The following VTA1 variants were observed in gnomAD, a reference collection of about 807,000 sequenced individuals.
VTA1 encodes vesicle trafficking 1, also known as vacuolar protein sorting-associated protein VTA1 homolog.
In VTA1, 24 loss-of-function variants were observed where a neutral mutation model predicts 36.9. The observed-to-expected ratio is 0.65, with a 90% CI of 0.47 to 0.91. The LOEUF is 0.91. Among genes scored for constraint, VTA1 ranks in the 40% least tolerant of loss-of-function variants. The pLI, the probability that VTA1 is intolerant of heterozygous loss-of-function variation, is 0.00. For synonymous variants in VTA1, 142 were observed against 130.2 expected, an observed-to-expected ratio of 1.09 and a Z score of -0.62; for missense variants, 393 against 377.2, an observed-to-expected ratio of 1.04 and a Z score of -0.35.
intron 4 of VTA1, among the ~76,000 whole-genome samples, chr6:142,175,385 A>G (rs1483952594): frequency 2.0e-5 from 3 of 151,494 alleles, no homozygotes; most frequent in Non-Finnish European, 4.4e-5. Context: ...CTGTCTTCTC[A>G]TTTTTCACCT....
At position 142,162,304 on chromosome 6, in the gene VTA1, T is replaced by C. The variant is rs1774826162; in HGVS notation, c.113-3924T>C. ...TCTCTACTGTCTAGGTTGTTCCCTATATTTCTTCCCAAAATTGATCTATCA... is the reference window on the plus strand; with the variant it reads ...TCTCTACTGTCTAGGTTGTTCCCTACATTTCTTCCCAAAATTGATCTATCA... On this transcript the variant is annotated intron_variant, in intron 1 of 7. Coordinates refer to ENST00000367630, the MANE Select transcript of VTA1 (RefSeq NM_016485.5). Among the ~76,000 whole-genome samples, 3 of 152,200 alleles carry C rather than the reference T, an allele frequency of 2.0e-5. No individual in the cohort carries two copies. The South Asian group carries it at 6.2e-4, about 32-fold the overall frequency.
At chr6:142,149,557 T>C (rs1304795397) in intron 1 of VTA1, among the ~76,000 whole-genome samples, 1 of 152,192 alleles carries the variant, frequency 6.6e-6, no homozygotes, top group Non-Finnish European at 1.5e-5. Flanking sequence ...TACTTGTTTA[T>C]TGCTTTTGCC....
At chr6:142,162,322 A>G (rs1407633140) in intron 1 of VTA1, among the ~76,000 whole-genome samples, 1 of 152,168 alleles carries the variant, frequency 6.6e-6, no homozygotes, top group Non-Finnish European at 1.5e-5. Flanking sequence ...CCCAAAATTG[A>G]TCTATCAAGT....
chr6:142,165,644 A>G (rs1458605464), intron 1 of VTA1, among the ~76,000 whole-genome samples: 2 of 152,214 alleles, frequency 1.3e-5, no homozygotes, highest in African/African-American at 4.8e-5. Flanking sequence ...AGCAGTTACC[A>G]CTAGAACTGT....
At chr6:142,197,727 T>C (rs1293789829) in intron 5 of VTA1, among the ~76,000 whole-genome samples, 3 of 152,052 alleles carry the variant, frequency 2.0e-5, no homozygotes, top group Non-Finnish European at 4.4e-5. Context: ...AAATGTGGCA[T>C]GTTTTGCCAG....
At chr6:142,174,497 T>C (rs891810580) in intron 4 of VTA1, among the ~76,000 whole-genome samples, 5 of 152,190 alleles carry the variant, frequency 3.3e-5, no homozygotes, top group African/African-American at 1.2e-4. Context: ...GGAAGGAATG[T>C]GCCTTGATTC....
At chr6:142,214,093 G>A (rs1260149151) in intron 7 of VTA1, among the ~76,000 whole-genome samples, 2 of 151,808 alleles carry the variant, frequency 1.3e-5, no homozygotes, top group African/African-American at 4.8e-5. Flanking sequence ...TAATCTCTTT[G>A]TTCATGCATA....
At chr6:142,199,813 A>G (rs1469965079) in intron 6 of VTA1, among the ~76,000 whole-genome samples, 1 of 152,088 alleles carries the variant, frequency 6.6e-6, no homozygotes, top group Non-Finnish European at 1.5e-5. Context: ...TCAATATTTT[A>G]TGGCCTATGT....
intron 2 of VTA1, among the ~76,000 whole-genome samples, chr6:142,166,908 G>A (rs1385214986): frequency 6.6e-6 from 1 of 152,148 alleles, no homozygotes; most frequent in Non-Finnish European, 1.5e-5. Flanking sequence ...TTACAGGCAT[G>A]AGCCACCATG....
chr6:142,198,787 G>T, intron 6 of VTA1, 172 bp downstream of exon 6: 1 of 552,034 alleles, frequency 1.8e-6, no homozygotes, highest in Non-Finnish European at 3.0e-6. Flanking sequence ...TTTAATATTA[G>T]TTGTATTCTA....
chr6:142,159,310 G>A (rs1465554415), intron 1 of VTA1, among the ~76,000 whole-genome samples: 2 of 151,984 alleles, frequency 1.3e-5, no homozygotes, highest in East Asian at 3.9e-4. Context: ...GTTGCAGTGA[G>A]CTGAGATTGT....
chr6:142,176,509 G>A (rs966624501), intron 4 of VTA1, among the ~76,000 whole-genome samples: 1 of 151,600 alleles, frequency 6.6e-6, no homozygotes, highest in Non-Finnish European at 1.5e-5. Context: ...ATTATAGTGA[G>A]AAAACTGAGG....
intron 7 of VTA1, among the ~76,000 whole-genome samples, chr6:142,211,021 A>T (rs890208635): frequency 4.6e-5 from 7 of 152,214 alleles, no homozygotes; most frequent in African/African-American, 1.7e-4. Flanking sequence ...TTGCAGCAAC[A>T]TGGATAGAAC....
intron 5 of VTA1, among the ~76,000 whole-genome samples, chr6:142,193,623 CATT>C (rs957291016): frequency 1.8e-4 from 27 of 151,986 alleles, no homozygotes; most frequent in African/African-American, 6.3e-4. Flanking sequence ...ATTCATTACT[CATT>C]ATTCTTTATT....
chr6:142,185,704 G>A (rs997852077), intron 4 of VTA1, among the ~76,000 whole-genome samples: 2 of 152,198 alleles, frequency 1.3e-5, no homozygotes, highest in East Asian at 3.8e-4. Flanking sequence ...TGCTGTTTCT[G>A]TAGGCCTAAA....
At position 142,220,811 on chromosome 6, in the gene VTA1, A is replaced by G. The variant is rs1776096230; in HGVS notation, c.*2168A>G. On this transcript the variant is annotated 3_prime_UTR_variant, in exon 8 of 8. Transcript: ENST00000367630. Reference sequence around the variant, plus strand: ...TTAGCAATTTTCATTTATTCCTTCCATATATATTTACTGAATGGCTACTAT... The same window carrying G: ...TTAGCAATTTTCATTTATTCCTTCCGTATATATTTACTGAATGGCTACTAT... The G allele has an allele frequency of 2.0e-5, 3 of 151,960 alleles. No homozygotes were observed. Among genetic ancestry groups the G allele is most frequent in the Admixed American group, 6.6e-5 (1 of 15,230 alleles). 9.4% of individuals were successfully genotyped at this position (151,960 alleles called of 1,614,324 possible).
chr6:142,212,423 T>C (rs1331672504), intron 7 of VTA1, among the ~76,000 whole-genome samples: 1 of 152,120 alleles, frequency 6.6e-6, no homozygotes, highest in Non-Finnish European at 1.5e-5. Context: ...GTTTAAAAGC[T>C]ATATACTGTA....
At chr6:142,182,985 C>G (rs542865128) in intron 4 of VTA1, among the ~76,000 whole-genome samples, 2 of 151,704 alleles carry the variant, frequency 1.3e-5, no homozygotes, top group South Asian at 4.2e-4. Context: ...ACTGAAGGAG[C>G]GCGCAGCAAG....
intron 1 of VTA1, among the ~76,000 whole-genome samples, chr6:142,152,952 A>G (rs1447347294): frequency 1.3e-5 from 2 of 152,110 alleles, no homozygotes; most frequent in African/African-American, 2.4e-5. Context: ...TAATTTGACT[A>G]ACTTACTGAC....
Sources: allele counts gnomAD v4.1 joint callset (sites outside exome capture counted in the v4.1 genomes callset), GRCh38; gene constraint gnomAD v4.1.1; transcripts MANE v1.5; gene names NCBI Gene and HGNC (gene_info 2026-07-23, HGNC 2026-07-21).